DAPK1: variants seen among roughly 807,000 people sequenced by gnomAD.
DAPK1 encodes the protein death associated protein kinase 1, also known as death-associated protein kinase 1.
DAPK1 carries 56 observed loss-of-function variants against 144.9 expected under a neutral mutation model. That is an observed-to-expected ratio of 0.39 (90% CI 0.31 to 0.48). The LOEUF (loss-of-function observed/expected upper bound fraction) is 0.48. DAPK1 is among the 20% of genes least tolerant of loss of function. DAPK1 has a pLI of 0.95. For missense variants in DAPK1, 1,454 were observed against 1,875.4 expected, an observed-to-expected ratio of 0.78 and a Z score of 4.15; for synonymous variants, 690 against 749.0, an observed-to-expected ratio of 0.92 and a Z score of 1.29.
In DAPK1 at chr9:87,497,963, G is replaced by C. The variant is rs1358654998; in HGVS notation, c.-253G>C. 3 of 396,862 alleles carry C rather than the reference G, an allele frequency of 7.6e-6. No homozygotes were observed. Among genetic ancestry groups the C allele is most frequent in the Non-Finnish European group, 8.9e-6 (2 of 225,444 alleles). The allele number at this position is 396,862 out of a possible 1,614,324, so 24.6% of individuals were successfully genotyped here. ...CGGCAACTCGCAGCGGCAGGGTCTG[G>C]GGCCGGCGCCTGGGAGGGATCTGCG... On this transcript the variant is annotated 5_prime_UTR_variant, in exon 1 of 26. Transcript: ENST00000408954.
intron 2 of DAPK1, among the ~76,000 whole-genome samples, chr9:87,501,731 T>C (rs1275530414): frequency 3.3e-5 from 5 of 152,180 alleles, no homozygotes; most frequent in African/African-American, 1.2e-4. Flanking sequence ...AAATTGAAAA[T>C]GTTCGTATTT....
At chr9:87,539,956 GTGAT>G (rs1327792751) in intron 2 of DAPK1, among the ~76,000 whole-genome samples, 2 of 152,052 alleles carry the variant, frequency 1.3e-5, no homozygotes, top group African/African-American at 4.8e-5. Flanking sequence ...CCCGAGAGTA[GTGAT>G]GCCGGCAATT....
intron 2 of DAPK1, among the ~76,000 whole-genome samples, chr9:87,511,620 T>C (rs933930269): frequency 6.6e-6 from 1 of 152,122 alleles, no homozygotes; most frequent in Non-Finnish European, 1.5e-5. Context: ...AATTCGTGTT[T>C]TTAATGCAGT....
chr9:87,624,667 C>G, intron 3 of DAPK1, among the ~76,000 whole-genome samples: 1 of 152,322 alleles, frequency 6.6e-6, no homozygotes, highest in Admixed American at 6.5e-5. Flanking sequence ...TCTTCCAGAT[C>G]CTGTGACACT....
At chr9:87,563,862 C>A (rs1827020870) in intron 2 of DAPK1, among the ~76,000 whole-genome samples, 1 of 152,184 alleles carries the variant, frequency 6.6e-6, no homozygotes, top group South Asian at 2.1e-4. Context: ...GCCATTTGGG[C>A]CCCTAAGGTT....
At chr9:87,628,829 A>G (rs1473883120) in intron 3 of DAPK1, among the ~76,000 whole-genome samples, 1 of 152,228 alleles carries the variant, frequency 6.6e-6, no homozygotes, top group East Asian at 1.9e-4. Context: ...CTGAATTAAA[A>G]CATTTTTATA....
At chr9:87,696,895 A>T (rs1825278363) in intron 21 of DAPK1, 112 bp from the exon 22 acceptor site, 1 of 745,130 alleles carries the variant, frequency 1.3e-6, no homozygotes, top group African/African-American at 1.7e-5. Flanking sequence ...ATACAGAAGA[A>T]TGCCATAAGT....
At chr9:87,602,776 G>C (rs1828570417) in intron 2 of DAPK1, among the ~76,000 whole-genome samples, 1 of 152,100 alleles carries the variant, frequency 6.6e-6, no homozygotes, top group East Asian at 1.9e-4. Flanking sequence ...TGAGATTACA[G>C]GCACGCGCCA....
intron 2 of DAPK1, among the ~76,000 whole-genome samples, chr9:87,601,706 C>A (rs1828524993): frequency 6.6e-6 from 1 of 152,210 alleles, no homozygotes; most frequent in Non-Finnish European, 1.5e-5. Flanking sequence ...ACACTTCATG[C>A]GCTCATTTCA....
chr9:87,599,967 A>G (rs924821842), intron 2 of DAPK1, among the ~76,000 whole-genome samples: 1 of 152,246 alleles, frequency 6.6e-6, no homozygotes, highest in Non-Finnish European at 1.5e-5. Context: ...GCATGCCTGA[A>G]TGAAGCTTAT....
rs1466583184 is a variant in DAPK1 at position 87,658,089 on chromosome 9, CTCTG to C, written c.1890_1893del (p.Cys630Ter). 2 of 1,541,474 alleles carry C rather than the reference CTCTG, an allele frequency of 1.3e-6. No homozygotes were observed. Among genetic ancestry groups the C allele is most frequent in the Non-Finnish European group, 1.8e-6 (2 of 1,114,706 alleles). On this transcript the variant is annotated frameshift_variant, in exon 18 of 26. Coordinates refer to ENST00000408954, the MANE Select transcript of DAPK1 (RefSeq NM_004938.4). LOFTEE classifies it high-confidence loss of function. Reference sequence around the variant, plus strand: ...CGGAATCCTAGACGTGGTCCGGTATCTCTGTCTGATGGGAGCCAGCGTTGAGGCG... The same window carrying C: ...CGGAATCCTAGACGTGGTCCGGTATCTCTGATGGGAGCCAGCGTTGAGGCG...
Position 87,648,866 on chromosome 9 carries a change from A to C in DAPK1, c.1415A>C (p.Asn472Thr). The C allele has an allele frequency of 6.2e-7, 1 of 1,614,110 alleles. No individual in the cohort carries two copies. Among genetic ancestry groups the C allele is most frequent in the Non-Finnish European group, 8.5e-7 (1 of 1,179,944 alleles). Residue 472 changes from asparagine (N) to threonine (T), a missense_variant, in exon 15 of 26, where the codon AAT becomes ACT. Around this residue, in one of 2 missense-constraint regions of DAPK1, gnomAD observed 429 missense variants for 637.5 expected, o/e 0.67. Transcript: ENST00000408954. ...CTGTGCAGCTTCGGCTCAAATCCCA[A>C]TATCCAGGACAAGGTGGGTCGTGAC... ...QLLCSFGSNP[N>T]IQDKEEETPL...
At chr9:87,644,974 A>G (rs1196381361) in intron 11 of DAPK1, among the ~76,000 whole-genome samples, 1 of 152,234 alleles carries the variant, frequency 6.6e-6, no homozygotes, top group African/African-American at 2.4e-5. Flanking sequence ...TGCATTTTAT[A>G]CAAATATTAC....
chr9:87,693,338 T>G (rs1006645431), intron 21 of DAPK1, among the ~76,000 whole-genome samples: 2 of 151,886 alleles, frequency 1.3e-5, no homozygotes, highest in African/African-American at 4.8e-5. Context: ...CTGAAATTCT[T>G]CCTTCTGCTT....
chr9:87,519,040 A>G (rs2118214625), intron 2 of DAPK1, among the ~76,000 whole-genome samples: 1 of 152,368 alleles, frequency 6.6e-6, no homozygotes, highest in South Asian at 2.1e-4. Flanking sequence ...CGAGTAAGTA[A>G]CATCGGACTG....
chr9:87,599,733 G>A (rs1828444314), intron 2 of DAPK1, among the ~76,000 whole-genome samples: 1 of 152,204 alleles, frequency 6.6e-6, no homozygotes, highest in Non-Finnish European at 1.5e-5. Flanking sequence ...AAAAGTTGGT[G>A]TACAGTTGAC....
At chr9:87,526,191 A>T (rs951669439) in intron 2 of DAPK1, among the ~76,000 whole-genome samples, 2 of 152,160 alleles carry the variant, frequency 1.3e-5, no homozygotes, top group African/African-American at 4.8e-5. Flanking sequence ...GTTTGTGTTC[A>T]GTAACATTCA....
At chr9:87,568,754 G>T (rs905525380) in intron 2 of DAPK1, among the ~76,000 whole-genome samples, 1 of 152,170 alleles carries the variant, frequency 6.6e-6, no homozygotes, top group Non-Finnish European at 1.5e-5. Flanking sequence ...TTGCAGAGTG[G>T]GTAATGGGTC....
chr9:87,633,074 AATAT>A (rs1484331733), intron 3 of DAPK1: 7 of 979,440 alleles, frequency 7.1e-6, no homozygotes, highest in Non-Finnish European at 7.3e-6. Flanking sequence ...AAGGAAGATG[AATAT>A]ATATGTAGGA....
Sources: allele counts gnomAD v4.1 joint callset (sites outside exome capture counted in the v4.1 genomes callset), GRCh38; gene constraint gnomAD v4.1.1; regional missense constraint gnomAD v4.1.1; transcripts MANE v1.5; gene names NCBI Gene and HGNC (gene_info 2026-07-23, HGNC 2026-07-21).